HLA-DRA: variants seen among roughly 807,000 people sequenced by gnomAD.
The protein encoded by HLA-DRA is major histocompatibility complex, class II, DR alpha.
A neutral mutation model predicts 22.1 loss-of-function variants in HLA-DRA; 8 were observed. That is an observed-to-expected ratio of 0.36 (90% confidence interval 0.21 to 0.65). HLA-DRA has a LOEUF of 0.65. HLA-DRA is among the 30% of genes least tolerant of loss of function. HLA-DRA has a pLI of 0.63. For synonymous variants in HLA-DRA, 101 were observed against 117.1 expected (o/e 0.86, Z 0.89); for missense variants, 248 against 321.3 (o/e 0.77, Z 1.74).
Position 32,443,858 on chromosome 6 carries a change from T to C in HLA-DRA, c.713T>C (p.Ile238Thr), listed in dbSNP as rs1350950998. Reference sequence around the variant, plus strand: ...GGCATCATTATTGGGACCATCTTCATCATCAAGGGATTGCGCAAAAGCAAT... The same window carrying C: ...GGCATCATTATTGGGACCATCTTCACCATCAAGGGATTGCGCAAAAGCAAT... ...LVGIIIGTIF[I>T]IKGLRKSNAA... The change falls in exon 4 of 5, where the codon ATC becomes ACC. Residue 238 changes from isoleucine to threonine, a missense_variant. Physicochemically the swap from Ile to Thr is moderately conservative, Grantham distance 89. Coordinates refer to ENST00000395388, the MANE Select transcript of HLA-DRA (RefSeq NM_019111.5). The C allele has an allele frequency of 6.2e-7, 1 of 1,611,988 alleles. No homozygotes were observed. The highest frequency in any genetic ancestry group is 1.1e-5 in the South Asian group (1 of 90,768).
At chr6:32,442,289 C>G (rs191129883) in intron 1 of HLA-DRA, among the ~76,000 whole-genome samples, 159 bp from the exon 2 acceptor site, 1 of 152,134 alleles carries the variant, frequency 6.6e-6, no homozygotes. Flanking sequence ...GCCCTTCACC[C>G]AGACCTTGTC....
At chr6:32,443,604 T>G (rs1762754794) in intron 3 of HLA-DRA, 138 bp downstream of exon 3, 2 of 1,149,246 alleles carry the variant, frequency 1.7e-6, no homozygotes, top group Admixed American at 4.6e-5. Context: ...CTTCCTCCTT[T>G]TTTTAATCTG....
chr6:32,443,978 A>T, intron 4 of HLA-DRA, 57 bp downstream of exon 4: 1 of 1,308,056 alleles, frequency 7.6e-7, no homozygotes, highest in Non-Finnish European at 1.0e-6. Context: ...GGAGGAAAAC[A>T]GGGTGGGGAA....
Position 32,443,794 on chromosome 6 carries a change from A to T in HLA-DRA, c.649A>T (p.Asn217Tyr), listed in dbSNP as rs1332429011. The T allele has an allele frequency of 6.2e-7, 1 of 1,611,008 alleles. No homozygotes were observed. Among genetic ancestry groups the T allele is most frequent in the Admixed American group, 1.7e-5 (1 of 59,694 alleles). The change falls in exon 4 of 5, where the codon AAC (asparagine) becomes TAC (tyrosine). Residue 217 changes from asparagine (N) to tyrosine (Y), a missense_variant. Coordinates refer to ENST00000395388, the MANE Select transcript of HLA-DRA (RefSeq NM_019111.5). ...AAGCCCTCTCCCAGAGACTACAGAG[A>T]ACGTGGTGTGTGCCCTGGGCCTGAC... ...APSPLPETTE[N>Y]VVCALGLTVG... is the part of the protein sequence containing the mutation.
chr6:32,442,793 CA>C, intron 2 of HLA-DRA, 100 bp downstream of exon 2: 2 of 1,465,246 alleles, frequency 1.4e-6, no homozygotes, highest in Non-Finnish European at 1.9e-6. Context: ...ATTTTCCCTC[CA>C]AGGGTCTAAC....
Position 32,443,451 on chromosome 6 carries a change from C to T in HLA-DRA, c.595C>T (p.Leu199Phe), listed in dbSNP as rs780246792. Residue 199 changes from leucine (L) to phenylalanine (F), a missense_variant, in exon 3 of 5, where the codon CTT becomes TTT. Leu to Phe is a conservative substitution (Grantham distance 22, BLOSUM62 0). Coordinates refer to ENST00000395388, the MANE Select transcript of HLA-DRA (RefSeq NM_019111.5). ...GGAGCACTGGGGCTTGGATGAGCCT[C>T]TTCTCAAGCACTGGGGTATGGACCA... ...RVEHWGLDEP[L>F]LKHWEFDAPS... is the part of the protein sequence containing the mutation. The T allele has an allele frequency of 1.9e-6, 3 of 1,612,854 alleles. No individual in the cohort carries two copies. The highest frequency in any genetic ancestry group is 2.5e-6 in the Non-Finnish European group (3 of 1,179,882).
In HLA-DRA at chr6:32,439,937, C is replaced by CCCTCT; in HGVS notation, c.-14_-13insCCTCT. 1 of 1,612,500 alleles carries CCCTCT rather than the reference C, an allele frequency of 6.2e-7. No individual in the cohort carries two copies. On this transcript the variant is annotated 5_prime_UTR_variant, in exon 1 of 5. Transcript: ENST00000395388. ...CGAGCTCTACTGACTCCCAACAGAG[C>CCCTCT]GCCCAAGAAGAAAATGGCCATAAGT...
chr6:32,442,323 T>G, intron 1 of HLA-DRA, 125 bp from the exon 2 acceptor site: 1 of 1,141,154 alleles, frequency 8.8e-7, no homozygotes, highest in Non-Finnish European at 1.3e-6. Context: ...CTACTCGCCA[T>G]CATTCTTTCA....
chr6:32,442,034 G>C (rs1005319141), intron 1 of HLA-DRA, among the ~76,000 whole-genome samples: 1 of 152,186 alleles, frequency 6.6e-6, no homozygotes, highest in African/African-American at 2.4e-5. Context: ...ACAATGTTCT[G>C]AGAAAGAGAT....
intron 2 of HLA-DRA, 132 bp downstream of exon 2, chr6:32,442,825 A>G (rs1762701773): frequency 2.8e-6 from 3 of 1,080,374 alleles, no homozygotes; most frequent in Non-Finnish European, 4.1e-6. Flanking sequence ...ACAAGCCCCA[A>G]ATTCTCATGC....
intron 3 of HLA-DRA, 31 bp downstream of exon 3, chr6:32,443,497 C>A: frequency 6.3e-7 from 1 of 1,589,846 alleles, no homozygotes; most frequent in Non-Finnish European, 8.6e-7. Flanking sequence ...TCCTTTATTT[C>A]AAGGTTTCCT....
chr6:32,442,366 C>T, intron 1 of HLA-DRA, 82 bp from the exon 2 acceptor site: 1 of 1,510,474 alleles, frequency 6.6e-7, no homozygotes, highest in Non-Finnish European at 9.1e-7. Flanking sequence ...CCACTACTTC[C>T]TGCCTACATG....
Position 32,443,210 on chromosome 6 carries a change from A to G in HLA-DRA, c.354A>G (p.Thr118=), listed in dbSNP as rs3135391. The G allele has an allele frequency of 0.88, 1,417,929 of 1,611,122 alleles. 626,102 individuals are homozygous for G. The highest frequency in any genetic ancestry group is 1 in the East Asian group (44,805 of 44,880). Reference sequence around the variant, plus strand: ...TACCTCCAGAGGTAACTGTGCTCACAAACAGCCCTGTGGAACTGAGAGAGC... The same window carrying G: ...TACCTCCAGAGGTAACTGTGCTCACGAACAGCCCTGTGGAACTGAGAGAGC... ...TNVPPEVTVL[T]NSPVELREPN... The change falls in exon 3 of 5, where the codon ACA becomes ACG. Residue 118 remains threonine, a synonymous_variant. Coordinates refer to ENST00000395388, the MANE Select transcript of HLA-DRA (RefSeq NM_019111.5).
rs138462914 is a variant in HLA-DRA, at chr6:32,443,299, G to A, written c.443G>A (p.Arg148Gln). Residue 148 changes from arginine to glutamine, a missense_variant, in exon 3 of 5, where the codon CGA (arginine) becomes CAA (glutamine). Physicochemically the swap from Arg to Gln is conservative, Grantham distance 43 (BLOSUM62 1). Transcript: ENST00000395388. ...CCAGTGGTCAATGTCACGTGGCTTCGAAATGGAAAACCTGTCACCACAGGA... is the reference window on the plus strand; with the variant it reads ...CCAGTGGTCAATGTCACGTGGCTTCAAAATGGAAAACCTGTCACCACAGGA... ...TPPVVNVTWL[R>Q]NGKPVTTGVS... The A allele has an allele frequency of 6.7e-4, 1,073 of 1,613,002 alleles. 2 individuals are homozygous for A. The highest frequency in any genetic ancestry group is 7.9e-4 in the Non-Finnish European group (932 of 1,180,006).
At position 32,443,369 on chromosome 6, in the gene HLA-DRA, C is replaced by A; in HGVS notation, c.513C>A (p.Arg171=). 1 of 1,612,940 alleles carries A rather than the reference C, an allele frequency of 6.2e-7. No individual in the cohort carries two copies. ...TGCCCAGGGAAGACCACCTTTTCCG[C>A]AAGTTCCACTATCTCCCCTTCCTGC... ...VFLPREDHLF[R]KFHYLPFLPS... The change falls in exon 3 of 5, where the codon CGC becomes CGA. Residue 171 remains arginine, a synonymous_variant. Transcript: ENST00000395388.
At chr6:32,443,677 A>T in intron 3 of HLA-DRA, 79 bp from the exon 4 acceptor site, 1 of 1,365,692 alleles carries the variant, frequency 7.3e-7, no homozygotes, top group Non-Finnish European at 1.0e-6. Flanking sequence ...TTTTCTCTTT[A>T]TTAAGAACCC....
At chr6:32,440,920 G>A (rs942715671) in intron 1 of HLA-DRA, among the ~76,000 whole-genome samples, 1 of 152,142 alleles carries the variant, frequency 6.6e-6, no homozygotes, top group Non-Finnish European at 1.5e-5. Context: ...TGCCCCAAAA[G>A]AGCCATACAT....
chr6:32,441,759 C>T (rs1379170667), intron 1 of HLA-DRA, among the ~76,000 whole-genome samples: 2 of 152,172 alleles, frequency 1.3e-5, no homozygotes, highest in African/African-American at 2.4e-5. Flanking sequence ...TAAAGAGAAG[C>T]TTCTGACTCT....
chr6:32,441,922 G>C (rs1443819762), intron 1 of HLA-DRA, among the ~76,000 whole-genome samples: 4 of 152,182 alleles, frequency 2.6e-5, no homozygotes, highest in African/African-American at 7.2e-5. Flanking sequence ...AGAATAATCT[G>C]CTCAGGATCA....
Sources: allele counts gnomAD v4.1 joint callset (sites outside exome capture counted in the v4.1 genomes callset), GRCh38; gene constraint gnomAD v4.1.1; transcripts MANE v1.5; gene names NCBI Gene and HGNC (gene_info 2026-07-23, HGNC 2026-07-21).